GRID2: variants seen among roughly 807,000 people sequenced by gnomAD.
GRID2 encodes glutamate receptor ionotropic, delta-2.
GRID2 carries 33 observed loss-of-function variants against 114.8 expected under a neutral mutation model. That is an observed-to-expected ratio of 0.29 (90% confidence interval 0.22 to 0.38). The LOEUF (loss-of-function observed/expected upper bound fraction) is 0.38, where lower values mean the gene tolerates loss of function less well. Among genes scored for constraint, GRID2 ranks in the 10% least tolerant of loss-of-function variants. The probability of loss-of-function intolerance (pLI) is 1.00; values close to 1 mark genes in which losing one functional copy is unlikely to be tolerated. For missense variants in GRID2, 1,184 were observed against 1,257.7 expected (o/e 0.94, Z 0.89); for synonymous variants, 505 against 449.9 (o/e 1.12, Z -1.55).
intron 1 of GRID2, among the ~76,000 whole-genome samples, chr4:92,559,139 T>C (rs1398548807): frequency 6.6e-6 from 1 of 152,164 alleles, no homozygotes; most frequent in Non-Finnish European, 1.5e-5. Context: ...TTTAATTTTA[T>C]TATATATAAG....
intron 2 of GRID2, among the ~76,000 whole-genome samples, chr4:92,773,973 C>A (rs1053689736): frequency 6.6e-6 from 1 of 151,962 alleles, no homozygotes; most frequent in Non-Finnish European, 1.5e-5. Flanking sequence ...ATAGATTGAC[C>A]AAGAAAACTA....
chr4:92,768,547 G>A (rs979822118), intron 2 of GRID2, among the ~76,000 whole-genome samples: 1 of 152,168 alleles, frequency 6.6e-6, no homozygotes, highest in South Asian at 2.1e-4. Context: ...TTATCCTGGT[G>A]TATTAGTTTA....
intron 10 of GRID2, among the ~76,000 whole-genome samples, chr4:93,433,036 C>A (rs1245634257): frequency 6.6e-6 from 1 of 152,180 alleles, no homozygotes; most frequent in African/African-American, 2.4e-5. Flanking sequence ...CACCACCGCA[C>A]TCTAGCCTGG....
intron 1 of GRID2, among the ~76,000 whole-genome samples, chr4:92,581,904 T>C (rs1283542184): frequency 6.6e-6 from 1 of 152,136 alleles, no homozygotes; most frequent in East Asian, 1.9e-4. Flanking sequence ...CATACCTTTC[T>C]ACACTATATC....
intron 13 of GRID2, among the ~76,000 whole-genome samples, chr4:93,578,661 T>C (rs1320181339): frequency 6.8e-6 from 1 of 148,022 alleles, no homozygotes; most frequent in South Asian, 2.2e-4. Context: ...TGGCTCGATC[T>C]TGGGTCACTG....
intron 2 of GRID2, among the ~76,000 whole-genome samples, chr4:92,794,903 T>TAC (rs1262318589): frequency 3.2e-4 from 43 of 134,204 alleles, no homozygotes; most frequent in South Asian, 3.1e-3. Context: ...TATATATATA[T>TAC]ATACACACAC....
At chr4:92,873,345 A>T (rs906722622) in intron 2 of GRID2, among the ~76,000 whole-genome samples, 2 of 152,138 alleles carry the variant, frequency 1.3e-5, no homozygotes, top group Non-Finnish European at 2.9e-5. Flanking sequence ...AAGTGTCTTA[A>T]GGAAGCAGCA....
chr4:93,243,941 G>T (rs1181207819), intron 8 of GRID2, among the ~76,000 whole-genome samples: 1 of 151,698 alleles, frequency 6.6e-6, no homozygotes, highest in Admixed American at 6.6e-5. Context: ...CAAGAATGTG[G>T]TTATTTCTGT....
At chr4:92,762,727 A>G (rs1738078809) in intron 2 of GRID2, among the ~76,000 whole-genome samples, 2 of 152,174 alleles carry the variant, frequency 1.3e-5, no homozygotes. Flanking sequence ...GTGAATAAAG[A>G]CTTTCCAAAG....
At chr4:93,616,497 A>T (rs1030383285) in intron 13 of GRID2, among the ~76,000 whole-genome samples, 2 of 149,554 alleles carry the variant, frequency 1.3e-5, no homozygotes, top group Non-Finnish European at 3.0e-5. Flanking sequence ...CAGTGGTCTC[A>T]GACGAGCTAC....
At chr4:93,470,324 C>T (rs17020658) in intron 11 of GRID2, among the ~76,000 whole-genome samples, 12,357 of 152,030 alleles carry the variant, frequency 0.081, 673 homozygotes, top group African/African-American at 0.16. Context: ...TCATTCCCAG[C>T]ACTAAAAGGC....
chr4:93,258,971 G>A (rs750877816), intron 8 of GRID2: 54 of 451,176 alleles, frequency 1.2e-4, no homozygotes, highest in Non-Finnish European at 2.1e-4. Flanking sequence ...GGACTGATGT[G>A]CTGACTAGAG....
chr4:92,304,690 G>A lies in GRID2; in HGVS notation c.34G>A (p.Val12Ile), dbSNP rs757472665. Residue 12 changes from valine (V) to isoleucine (I), a missense_variant, in exon 1 of 16, where the codon GTC (valine) becomes ATC (isoleucine). Transcript: ENST00000282020. ...EVFPFLLVLS[V>I]WWSRTWDSAN... ...TTTCCCCTTTCTCTTGGTTTTGTCC[G>A]TCTGGTGGTCTCGAACCTGGGACTC... The A allele has an allele frequency of 8.1e-6, 13 of 1,613,502 alleles. No individual in the cohort carries two copies. The highest frequency in any genetic ancestry group is 1.3e-5 in the African/African-American group (1 of 75,006).
At chr4:93,295,342 A>T (rs539140204) in intron 8 of GRID2, among the ~76,000 whole-genome samples, 38 of 152,328 alleles carry the variant, frequency 2.5e-4, no homozygotes, top group African/African-American at 8.7e-4. Context: ...GACTGAAAAG[A>T]AACAGCTGTT....
At chr4:93,298,030 T>G (rs1754498411) in intron 8 of GRID2, among the ~76,000 whole-genome samples, 1 of 152,232 alleles carries the variant, frequency 6.6e-6, no homozygotes, top group Non-Finnish European at 1.5e-5. Context: ...TCTAATTACC[T>G]TCTTGGGTTT....
chr4:93,307,640 T>G (rs570634587), intron 8 of GRID2, among the ~76,000 whole-genome samples: 1 of 152,292 alleles, frequency 6.6e-6, no homozygotes, highest in African/African-American at 2.4e-5. Context: ...ATAATAATTT[T>G]AATTCTCCCT....
At chr4:92,565,123 T>C (rs181406307) in intron 1 of GRID2, among the ~76,000 whole-genome samples, 6 of 152,182 alleles carry the variant, frequency 3.9e-5, no homozygotes. Flanking sequence ...ACCCAGTTAC[T>C]CCTGGGTCCT....
Position 93,170,442 on chromosome 4 carries a change from C to A in GRID2, c.736-36962C>A, listed in dbSNP as rs533756092. On this transcript the variant is annotated intron_variant, in intron 4 of 15. Transcript: ENST00000282020. ...CCAGTTGCAGCAATGTCAGTCATAT[C>A]TCTGGTCATCTGATGTTTCTCTGGG... 2.6e-5 allele frequency among the ~76,000 whole-genome samples: 4 copies of A among 152,170 alleles called. No homozygotes were observed. The East Asian group carries it at 7.8e-4, about 30-fold the overall frequency.
At chr4:93,086,385 C>T (rs750918449) in intron 3 of GRID2, among the ~76,000 whole-genome samples, 5 of 152,306 alleles carry the variant, frequency 3.3e-5, no homozygotes, top group South Asian at 4.1e-4. Flanking sequence ...ACACAAGAGT[C>T]GTCCAGAAAG....
Sources: gnomAD v4.1 joint callset for allele counts (sites outside exome capture counted in the v4.1 genomes callset) on GRCh38, gnomAD v4.1.1 for gene constraint, MANE v1.5 for transcripts, NCBI Gene and HGNC (gene_info 2026-07-23, HGNC 2026-07-21) for gene names.